The following SGCE variants were observed in gnomAD, a reference collection of about 807,000 sequenced individuals.
The protein encoded by SGCE is sarcoglycan epsilon, also known as epsilon-sarcoglycan.
In SGCE, 26 loss-of-function variants were observed where a neutral mutation model predicts 57.8. That is an observed-to-expected ratio of 0.45 (90% CI 0.33 to 0.62). SGCE has a LOEUF of 0.62. Ranked by LOEUF, SGCE falls within the 20% of genes least tolerant of loss-of-function variation. SGCE has a pLI of 0.02. For synonymous variants in SGCE, 183 were observed against 189.5 expected, an observed-to-expected ratio of 0.97 and a Z score of 0.28; for missense variants, 468 against 548.6, an observed-to-expected ratio of 0.85 and a Z score of 1.47.
intron 8 of SGCE, 109 bp from the exon 9 acceptor site, chr7:94,599,072 C>A: frequency 1.3e-6 from 1 of 761,538 alleles, no homozygotes; most frequent in Non-Finnish European, 2.1e-6. Context: ...AATAATAAGA[C>A]ATTATGGCAC....
intron 3 of SGCE, chr7:94,626,389 T>C (rs1803721632): frequency 6.6e-6 from 1 of 152,118 alleles, no homozygotes; most frequent in African/African-American, 2.4e-5. Context: ...AATATAATTG[T>C]TTAAAAATTT....
chr7:94,616,752 T>G (rs2116864866), intron 5 of SGCE: 1 of 152,110 alleles, frequency 6.6e-6, no homozygotes, highest in South Asian at 2.1e-4. Context: ...AGCGACAAAC[T>G]TTTTTTTCGA....
intron 3 of SGCE, chr7:94,627,226 A>C (rs1288800457): frequency 6.6e-6 from 1 of 152,046 alleles, no homozygotes; most frequent in Non-Finnish European, 1.5e-5. Flanking sequence ...TTGGAGAAAA[A>C]TTCATAGTAT....
intron 3 of SGCE, chr7:94,626,633 C>T (rs1329846083): frequency 6.6e-6 from 1 of 151,908 alleles, no homozygotes; most frequent in African/African-American, 2.4e-5. Context: ...CCATTTATAT[C>T]ATTGATGGTT....
At chr7:94,626,878 A>G (rs1278028790) in intron 3 of SGCE, 1 of 152,018 alleles carries the variant, frequency 6.6e-6, no homozygotes, top group African/African-American at 2.4e-5. Context: ...GTTTGCCAAG[A>G]GCTATTTTTT....
At chr7:94,585,612 A>G in intron 10 of SGCE, 97 bp from the exon 11 acceptor site, 6 of 813,288 alleles carry the variant, frequency 7.4e-6, no homozygotes, top group South Asian at 4.0e-5. Flanking sequence ...GAAAGTTTCC[A>G]TCTTCTTAAT....
At chr7:94,635,326 T>C (rs1805447443) in intron 1 of SGCE, among the ~76,000 whole-genome samples, 1 of 152,188 alleles carries the variant, frequency 6.6e-6, no homozygotes, top group Admixed American at 6.5e-5. Context: ...TGGATAAGAA[T>C]GATTAAGAAG....
intron 5 of SGCE, chr7:94,617,562 C>G (rs1444349937): frequency 6.6e-6 from 1 of 152,128 alleles, no homozygotes; most frequent in Non-Finnish European, 1.5e-5. Flanking sequence ...GAAAGAGAAC[C>G]ATGTTGTAAC....
intron 1 of SGCE, among the ~76,000 whole-genome samples, chr7:94,638,010 C>A (rs1437703670): frequency 6.6e-6 from 1 of 152,098 alleles, no homozygotes; most frequent in Non-Finnish European, 1.5e-5. Flanking sequence ...CGATGGCCCT[C>A]AGCTTGCTCA....
intron 5 of SGCE, among the ~76,000 whole-genome samples, chr7:94,603,758 TTACTA>T (rs1445616104): frequency 6.6e-6 from 1 of 152,058 alleles, no homozygotes; most frequent in African/African-American, 2.4e-5. Flanking sequence ...CATATTCTGA[TTACTA>T]TATTTAGTAA....
chr7:94,616,354 C>A (rs1801936986), intron 5 of SGCE, among the ~76,000 whole-genome samples: 1 of 152,114 alleles, frequency 6.6e-6, no homozygotes, highest in African/African-American at 2.4e-5. Flanking sequence ...AGATCTTTTT[C>A]TTAAATCTGG....
At chr7:94,608,552 T>G (rs907455487) in intron 5 of SGCE, among the ~76,000 whole-genome samples, 2 of 152,182 alleles carry the variant, frequency 1.3e-5, no homozygotes, top group Admixed American at 1.3e-4. Context: ...CAAGTTAATT[T>G]GCAGATATTA....
chr7:94,604,859 A>G (rs1318732204), intron 5 of SGCE, among the ~76,000 whole-genome samples: 12 of 109,606 alleles, frequency 1.1e-4, no homozygotes, highest in African/African-American at 4.4e-4. Context: ...ATATATATAT[A>G]ATAGTTGTTA....
At chr7:94,586,377 A>G (rs73425436) in intron 10 of SGCE, among the ~76,000 whole-genome samples, 243 of 152,358 alleles carry the variant, frequency 1.6e-3, no homozygotes, top group African/African-American at 5.6e-3. Flanking sequence ...ATTTTCAGAT[A>G]GAAGAATTTA....
At chr7:94,629,681 G>A (rs935698664) in intron 2 of SGCE, 38 bp downstream of exon 2, 1 of 1,605,862 alleles carries the variant, frequency 6.2e-7, no homozygotes, top group African/African-American at 1.3e-5. Context: ...AAAAAATTTA[G>A]TACGTTAACT....
intron 1 of SGCE, among the ~76,000 whole-genome samples, chr7:94,638,445 C>A (rs993722487): frequency 6.6e-6 from 1 of 152,134 alleles, no homozygotes; most frequent in Non-Finnish European, 1.5e-5. Flanking sequence ...AGCCAGGAAT[C>A]AATCCTACAA....
chr7:94,604,845 AT>A (rs1562815427), intron 5 of SGCE, among the ~76,000 whole-genome samples: 46 of 80,584 alleles, frequency 5.7e-4, no homozygotes, highest in South Asian at 1.0e-3. Flanking sequence ...ATATATATAT[AT>A]ATATATATAT....
Position 94,628,417 on chromosome 7 carries a change from G to A in SGCE, c.233-58C>T, listed in dbSNP as rs544040235. On this transcript the variant is annotated intron_variant, in intron 2 of 10. Transcript: ENST00000648936. ...CAGTTATTTTCACACATGTTGCTTTGGTAGTTTCAATCAAAACATTCTGTC... is the reference window on the plus strand; with the variant it reads ...CAGTTATTTTCACACATGTTGCTTTAGTAGTTTCAATCAAAACATTCTGTC... The A allele has an allele frequency of 1.7e-3, 2,381 of 1,431,258 alleles. 2 individuals carry two copies. The highest frequency in any genetic ancestry group is 2.2e-3 in the Non-Finnish European group (2,230 of 1,023,922). The allele number at this position is 1,431,258 out of a possible 1,614,324, so 88.7% of individuals were successfully genotyped here. A position where few individuals can be genotyped will look rare whatever the true frequency, so the allele number is the denominator to read the frequency against.
intron 8 of SGCE, 82 bp downstream of exon 8, chr7:94,599,615 T>C: frequency 9.5e-7 from 1 of 1,047,930 alleles, no homozygotes; most frequent in Non-Finnish European, 1.5e-6. Flanking sequence ...AAAAAAAGCT[T>C]GACACACATG....
Sources: gnomAD v4.1 joint callset for allele counts (sites outside exome capture counted in the v4.1 genomes callset) on GRCh38, gnomAD v4.1.1 for gene constraint, MANE v1.5 for transcripts, NCBI Gene and HGNC (gene_info 2026-07-23, HGNC 2026-07-21) for gene names.